NHSL3: variants seen among roughly 807,000 people sequenced by gnomAD.
NHSL3 encodes NHS like 3.
the NHSL3 span, chr1:32,742,087 C>T: frequency 1.6e-6 from 2 of 1,255,572 alleles, no homozygotes; most frequent in South Asian, 3.1e-5. Flanking sequence ...GCGGGGCAAG[C>T]GGCGCAAGAA....
At chr1:32,753,498 AT>A in the NHSL3 span, among the ~76,000 whole-genome samples, 2 of 152,128 alleles carry the variant, frequency 1.3e-5, no homozygotes, top group African/African-American at 4.8e-5. Context: ...AATAAAAAAA[AT>A]AATAAAAAAA....
the NHSL3 span, among the ~76,000 whole-genome samples, chr1:32,759,519 G>C: frequency 6.6e-6 from 1 of 152,182 alleles, no homozygotes. Flanking sequence ...GTGCACTACT[G>C]CCTGTTCCCC....
chr1:32,771,185 C>T, the NHSL3 span: 2 of 1,611,504 alleles, frequency 1.2e-6, no homozygotes, highest in Non-Finnish European at 1.7e-6. Flanking sequence ...GTGCCTGCCC[C>T]CTTCTCCCCA....
At chr1:32,754,263 G>A in the NHSL3 span, 1 of 650,528 alleles carries the variant, frequency 1.5e-6, no homozygotes, top group Admixed American at 2.3e-5. Flanking sequence ...CCCTCCCGGG[G>A]CTTGGAGGGT....
chr1:32,774,354 G>A, the NHSL3 span: 2 of 152,278 alleles, frequency 1.3e-5, no homozygotes, highest in East Asian at 3.9e-4. Flanking sequence ...TCTCCAGGGT[G>A]TTTTCCACTA....
At chr1:32,767,869 C>T in the NHSL3 span, 1 of 1,614,028 alleles carries the variant, frequency 6.2e-7, no homozygotes, top group Non-Finnish European at 8.5e-7. Flanking sequence ...AGCACCAGGA[C>T]AACGTCTTCT....
chr1:32,752,294 G>T, the NHSL3 span, among the ~76,000 whole-genome samples: 1 of 152,174 alleles, frequency 6.6e-6, no homozygotes, highest in East Asian at 1.9e-4. Context: ...TGCAGGGAGG[G>T]AAGAGGGTTT....
At chr1:32,771,720 C>T in the NHSL3 span, 11 of 1,613,208 alleles carry the variant, frequency 6.8e-6, no homozygotes, top group African/African-American at 4.0e-5. Flanking sequence ...CTGCTAGTTC[C>T]GCCCCAGGGC....
chr1:32,769,703 C>G, the NHSL3 span: 1 of 1,613,952 alleles, frequency 6.2e-7, no homozygotes, highest in Non-Finnish European at 8.5e-7. Context: ...GACTCATTTC[C>G]CAAATCTGGA....
At chr1:32,754,151 G>T in the NHSL3 span, 7 of 711,964 alleles carry the variant, frequency 9.8e-6, no homozygotes, top group Non-Finnish European at 1.6e-5. Flanking sequence ...AGCTTCTGGC[G>T]GTTCGGGCGG....
At chr1:32,754,175 C>A in the NHSL3 span, 1 of 709,912 alleles carries the variant, frequency 1.4e-6, no homozygotes, top group African/African-American at 1.8e-5. Context: ...GCGAAGCGGC[C>A]GGCAGGTAGG....
chr1:32,771,121 C>T, the NHSL3 span: 1 of 1,613,286 alleles, frequency 6.2e-7, no homozygotes, highest in Non-Finnish European at 8.5e-7. Flanking sequence ...CCGCTCTGGG[C>T]CACAGATATT....
At chr1:32,771,633 G>A in the NHSL3 span, 12 of 1,612,684 alleles carry the variant, frequency 7.4e-6, no homozygotes, top group Admixed American at 1.7e-5. Flanking sequence ...CGGCTGCTTC[G>A]TCCTCCTCAG....
the NHSL3 span, among the ~76,000 whole-genome samples, chr1:32,751,072 A>G: frequency 6.6e-6 from 1 of 151,996 alleles, no homozygotes; most frequent in Non-Finnish European, 1.5e-5. Context: ...CTACCTCCCA[A>G]AGTGCTGGGA....
the NHSL3 span, chr1:32,771,131 T>G: frequency 6.2e-7 from 1 of 1,613,096 alleles, no homozygotes; most frequent in Non-Finnish European, 8.5e-7. Context: ...CCACAGATAT[T>G]GACCCCCCTG....
chr1:32,770,768 A>T, the NHSL3 span: 1 of 1,577,708 alleles, frequency 6.3e-7, no homozygotes, highest in Non-Finnish European at 8.6e-7. The surrounding 1 kb of genome is among the most constrained non-coding windows in gnomAD (Gnocchi z 8.3). Flanking sequence ...CGTAAGCAGC[A>T]GCCCCAGCTG....
chr1:32,755,285 G>A, the NHSL3 span, among the ~76,000 whole-genome samples: 1 of 152,242 alleles, frequency 6.6e-6, no homozygotes, highest in Non-Finnish European at 1.5e-5. Context: ...AGCGATACCT[G>A]TTGGTCTGGG....
the NHSL3 span, chr1:32,772,405 G>A: frequency 1.3e-6 from 2 of 1,551,570 alleles, no homozygotes; most frequent in South Asian, 1.2e-5. Flanking sequence ...CCTGCAGCTG[G>A]TGGGCCCAGA....
the NHSL3 span, chr1:32,771,439 C>A: frequency 6.3e-7 from 1 of 1,590,068 alleles, no homozygotes; most frequent in Admixed American, 1.7e-5. Context: ...TGTGGAGGCA[C>A]CATCTGCCTC....
Sources: gnomAD v4.1 joint callset for allele counts (sites outside exome capture counted in the v4.1 genomes callset) on GRCh38, gnomAD v4.1.1 for gene constraint, Gnocchi (gnomAD v3.1) non-coding constraint, MANE v1.5 for transcripts, NCBI Gene and HGNC (gene_info 2026-07-23, HGNC 2026-07-21) for gene names.